CSMD1: variants seen among roughly 807,000 people sequenced by gnomAD.
The protein encoded by CSMD1 is CUB and Sushi multiple domains 1.
In CSMD1, 213 loss-of-function variants were observed where a neutral mutation model predicts 417.5. The ratio of observed to expected loss-of-function variants is 0.51; its 90% confidence interval spans 0.46 to 0.57. The LOEUF is 0.57. CSMD1 is among the 20% of genes least tolerant of loss of function. The pLI is 0.00. For missense variants in CSMD1, 6,923 were observed against 4,529.7 expected (o/e 1.53, Z -15.17); for synonymous variants, 2,862 against 1,736.8 (o/e 1.65, Z -16.11).
intron 5 of CSMD1, among the ~76,000 whole-genome samples, chr8:3,984,774 T>G (rs1260887761): frequency 6.9e-6 from 1 of 144,936 alleles, no homozygotes; most frequent in Non-Finnish European, 1.5e-5. Context: ...TGTGCGTGTG[T>G]GTGTGTGTGT....
chr8:4,011,594 T>G (rs181612643), intron 4 of CSMD1, among the ~76,000 whole-genome samples: 1 of 152,172 alleles, frequency 6.6e-6, no homozygotes, highest in Non-Finnish European at 1.5e-5. Context: ...TTCATCTCAC[T>G]CAAGATCTCA....
At chr8:3,896,752 T>A (rs970090344) in intron 5 of CSMD1, among the ~76,000 whole-genome samples, 14 of 152,042 alleles carry the variant, frequency 9.2e-5, no homozygotes, top group African/African-American at 3.1e-4. Flanking sequence ...ATGTTTTTTT[T>A]AATTAAGAAA....
intron 2 of CSMD1, among the ~76,000 whole-genome samples, chr8:4,491,668 G>C (rs187440088): frequency 3.3e-5 from 5 of 152,260 alleles, no homozygotes; most frequent in Admixed American, 2.6e-4. Context: ...TAGAACATGA[G>C]ACACCACTAC....
At chr8:3,318,664 T>C (rs1032348920) in intron 23 of CSMD1, among the ~76,000 whole-genome samples, 4 of 152,222 alleles carry the variant, frequency 2.6e-5, no homozygotes, top group Non-Finnish European at 5.9e-5. Flanking sequence ...GGAGGTATTA[T>C]AGCAGGTGCA....
chr8:4,449,349 C>A (rs550667383), intron 2 of CSMD1, among the ~76,000 whole-genome samples: 1 of 152,260 alleles, frequency 6.6e-6, no homozygotes, highest in African/African-American at 2.4e-5. Flanking sequence ...TAAGCCTCCC[C>A]CTCTCTTTTT....
At chr8:4,461,854 C>T (rs1332921036) in intron 2 of CSMD1, among the ~76,000 whole-genome samples, 1 of 151,286 alleles carries the variant, frequency 6.6e-6, no homozygotes, top group Non-Finnish European at 1.5e-5. Context: ...CATTCTCCTG[C>T]CTCAGCCTCC....
intron 3 of CSMD1, among the ~76,000 whole-genome samples, chr8:4,150,743 T>A (rs952439744): frequency 6.6e-6 from 1 of 152,136 alleles, no homozygotes; most frequent in Non-Finnish European, 1.5e-5. Flanking sequence ...AAAAAGGAAT[T>A]TCAAAAACCA....
intron 2 of CSMD1, among the ~76,000 whole-genome samples, chr8:4,454,301 CA>C (rs1799338464): frequency 6.6e-6 from 1 of 152,178 alleles, no homozygotes. Flanking sequence ...ACACCAGACG[CA>C]GCCTCTTCTT....
rs148586340 is a variant in CSMD1 at position 4,608,467 on chromosome 8, G to C, written c.302+28875C>G. Among the ~76,000 whole-genome samples, 532 of 152,296 alleles carry C rather than the reference G, an allele frequency of 3.5e-3. 3 individuals carry two copies. Among genetic ancestry groups the C allele is most frequent in the African/African-American group, 0.012 (517 of 41,556 alleles). On this transcript the variant is annotated intron_variant, in intron 2 of 69. Transcript: ENST00000635120. The stretch of plus-strand genomic sequence containing the variant: ...CCAGTGGATTGAACGTGGAGGAGGA[G>C]AGACAGAGTGTCAAGAAACTGATGT...
intron 1 of CSMD1, among the ~76,000 whole-genome samples, chr8:4,659,930 G>C (rs1585407667): frequency 6.6e-6 from 1 of 151,908 alleles, no homozygotes; most frequent in South Asian, 2.1e-4. Flanking sequence ...CACCCACTCA[G>C]GATCAAAACA....
At chr8:4,201,002 A>T (rs971445819) in intron 3 of CSMD1, among the ~76,000 whole-genome samples, 2 of 152,206 alleles carry the variant, frequency 1.3e-5, no homozygotes, top group African/African-American at 4.8e-5. Flanking sequence ...AGCGCCGTTC[A>T]TATCAGTGTG....
chr8:3,369,935 A>G (rs1809842589), intron 18 of CSMD1, among the ~76,000 whole-genome samples: 1 of 152,172 alleles, frequency 6.6e-6, no homozygotes, highest in South Asian at 2.1e-4. Flanking sequence ...AAGTCTCTCA[A>G]TCCTTTACAT....
chr8:4,768,760 T>C (rs116094448), intron 1 of CSMD1, among the ~76,000 whole-genome samples: 333 of 152,288 alleles, frequency 2.2e-3, no homozygotes, highest in African/African-American at 7.8e-3. Flanking sequence ...TGCTACTGGC[T>C]TGTTTACAGT....
chr8:3,663,526 T>G (rs572126818), intron 7 of CSMD1, among the ~76,000 whole-genome samples: 1 of 152,078 alleles, frequency 6.6e-6, no homozygotes, highest in Non-Finnish European at 1.5e-5. Flanking sequence ...CAGGGAAAAG[T>G]CAAGCTGGAA....
intron 1 of CSMD1, among the ~76,000 whole-genome samples, chr8:4,967,129 C>T (rs775417926): frequency 5.9e-5 from 9 of 152,076 alleles, no homozygotes; most frequent in Non-Finnish European, 1.3e-4. Flanking sequence ...AATCAGGGTT[C>T]ATTCAAAGGA....
chr8:3,796,306 T>TACATATATCTATCATGTAC (rs1800122766), intron 5 of CSMD1, among the ~76,000 whole-genome samples: 1 of 98,320 alleles, frequency 1.0e-5, no homozygotes, highest in African/African-American at 3.9e-5. Context: ...CTATCATGTA[T>TACATATATCTATCATGTAC]AGATATAGAT....
At chr8:4,046,075 T>A (rs1798131578) in intron 3 of CSMD1, among the ~76,000 whole-genome samples, 1 of 152,188 alleles carries the variant, frequency 6.6e-6, no homozygotes. Flanking sequence ...TCCCAATTTA[T>A]ATACACACAT....
intron 22 of CSMD1, among the ~76,000 whole-genome samples, chr8:3,345,425 A>C (rs1807925044): frequency 6.6e-6 from 1 of 152,096 alleles, no homozygotes; most frequent in Non-Finnish European, 1.5e-5. Context: ...TCGTTGATGA[A>C]CATGGAACAC....
intron 3 of CSMD1, among the ~76,000 whole-genome samples, chr8:4,072,673 G>A (rs1336514472): frequency 6.6e-6 from 1 of 152,138 alleles, no homozygotes; most frequent in Non-Finnish European, 1.5e-5. Context: ...TTATTTCTGT[G>A]GATCTCCTAG....
Sources: gnomAD v4.1 joint callset for allele counts (sites outside exome capture counted in the v4.1 genomes callset) on GRCh38, gnomAD v4.1.1 for gene constraint, MANE v1.5 for transcripts, NCBI Gene and HGNC (gene_info 2026-07-23, HGNC 2026-07-21) for gene names.